Variants in TEX22 observed in about 807,000 individuals in gnomAD.
TEX22 encodes the protein testis expressed 22, also known as testis-expressed protein 22.
In TEX22, 16 loss-of-function variants were observed where a neutral mutation model predicts 11.3. The ratio of observed to expected loss-of-function variants is 1.42; its 90% confidence interval spans 0.96 to 2.15. TEX22 has a LOEUF of 2.15. Ranked by LOEUF, TEX22 falls within the 30% of genes most tolerant of loss-of-function variation. TEX22 has a pLI of 0.00. For synonymous variants in TEX22, 97 were observed against 92.3 expected (o/e 1.05, Z -0.29); for missense variants, 220 against 208.6 (o/e 1.05, Z -0.34).
At chr14:105,399,190 G>T (rs2081607998) in intron 1 of TEX22, 112 bp from the exon 2 acceptor site, 3 of 640,454 alleles carry the variant, frequency 4.7e-6, no homozygotes, top group Non-Finnish European at 5.4e-6. Context: ...GCTGGAAGGT[G>T]ACCCTAGCAG....
In TEX22 at chr14:105,398,544, GC is replaced by G. The variant is rs2081596844; in HGVS notation, c.-130del. 1 of 152,204 alleles carries G rather than the reference GC, an allele frequency of 6.6e-6. No individual in the cohort carries two copies. The highest frequency in any genetic ancestry group is 1.5e-5 in the Non-Finnish European group (1 of 68,056). The allele number at this position is 152,204 out of a possible 1,614,324, so 9.4% of individuals were successfully genotyped here. A position where few individuals can be genotyped will look rare whatever the true frequency, so the allele number is the denominator to read the frequency against. ...ACCGGTGGGGGCGGGGCTTGCCGTAGCGGACGTTCTGGAGCGAGGCGCCGGC... is the reference window on the plus strand; with the variant it reads ...ACCGGTGGGGGCGGGGCTTGCCGTAGGGACGTTCTGGAGCGAGGCGCCGGC... On this transcript the variant is annotated 5_prime_UTR_variant, in exon 1 of 4. Coordinates refer to ENST00000451127, the MANE Select transcript of TEX22 (RefSeq NM_001195082.2).
intron 2 of TEX22, among the ~76,000 whole-genome samples, chr14:105,407,874 GGTCT>G (rs2081666359): frequency 1.4e-5 from 2 of 143,970 alleles, no homozygotes; most frequent in Non-Finnish European, 3.0e-5. Flanking sequence ...GTGTTATGGG[GGTCT>G]GTCTGCATGG....
chr14:105,399,490 G>C lies in TEX22; in HGVS notation c.150G>C (p.Trp50Cys), dbSNP rs587618495. 7.2e-6 allele frequency: 11 copies of C among 1,527,446 alleles called. No individual in the cohort carries two copies. The Admixed American group carries it at 8.0e-5, about 11-fold the overall frequency. 94.6% of individuals were successfully genotyped at this position (1,527,446 alleles called of 1,614,324 possible). The change falls in exon 2 of 4, where the codon TGG (tryptophan) becomes TGC (cysteine). Residue 50 changes from tryptophan (W) to cysteine (C), a missense_variant and splice_region_variant. Physicochemically the swap from Trp to Cys is radical, Grantham distance 215. Coordinates refer to ENST00000451127, the MANE Select transcript of TEX22 (RefSeq NM_001195082.2). ...SVQQGLQTQD[W>C]VCEPPERRRP... The stretch of plus-strand genomic sequence containing the variant: ...AGCAGGGACTGCAGACTCAGGACTG[G>C]GTAAGCGGAAGGAAACCCTGGCCGA...
Position 105,413,174 on chromosome 14 carries a change from T to TGGA in TEX22, c.*1344_*1346dup, listed in dbSNP as rs1336967222. The TGGA allele has an allele frequency of 9.8e-5, 15 of 152,458 alleles. No homozygotes were observed. The highest frequency in any genetic ancestry group is 2.6e-4 in the Admixed American group (4 of 15,288). The allele number at this position is 152,458 out of a possible 1,614,324, so 9.4% of individuals were successfully genotyped here. ...TCTCAGGAGCCCTAGGGTAGGTGGATGGAGGGCAGATCCTCCAGGGGCTAG... is the reference window on the plus strand; with the variant it reads ...TCTCAGGAGCCCTAGGGTAGGTGGATGGAGGAGGGCAGATCCTCCAGGGGCTAG... On this transcript the variant is annotated 3_prime_UTR_variant, in exon 4 of 4. Transcript: ENST00000451127. This position sits in a 1 kb window ranked among gnomAD's most constrained non-coding sequence, Gnocchi z 4.2.
intron 3 of TEX22, 36 bp from the exon 4 acceptor site, chr14:105,411,624 C>G: frequency 2.0e-6 from 3 of 1,509,892 alleles, no homozygotes; most frequent in Non-Finnish European, 2.6e-6. Flanking sequence ...GTCCCCTTCC[C>G]GCCCCTCGAG....
intron 2 of TEX22, among the ~76,000 whole-genome samples, chr14:105,405,663 G>A (rs925330871): frequency 1.2e-4 from 19 of 152,352 alleles, no homozygotes; most frequent in Admixed American, 9.8e-4. Flanking sequence ...GCGTGCAGCC[G>A]TGAGCGTGAG....
In TEX22 at chr14:105,411,357, C is replaced by A; in HGVS notation, c.151-11C>A. On this transcript the variant is annotated splice_polypyrimidine_tract_variant and intron_variant, in intron 2 of 3. Coordinates refer to ENST00000451127, the MANE Select transcript of TEX22 (RefSeq NM_001195082.2). ...CCGAGGCCCTCGCCGACCCGCTGCC[C>A]TGTCCCCCAGGTGTGCGAGCCGCCG... 1 of 1,326,534 alleles carries A rather than the reference C, an allele frequency of 7.5e-7. No individual in the cohort carries two copies. Among genetic ancestry groups the A allele is most frequent in the South Asian group, 1.9e-5 (1 of 52,568 alleles). 82.2% of individuals were successfully genotyped at this position (1,326,534 alleles called of 1,614,324 possible). A position where few individuals can be genotyped will look rare whatever the true frequency, so the allele number is the denominator to read the frequency against.
intron 2 of TEX22, among the ~76,000 whole-genome samples, chr14:105,406,879 CAG>C (rs2141360070): frequency 6.6e-6 from 1 of 152,124 alleles, no homozygotes; most frequent in South Asian, 2.1e-4. Context: ...TTTAAGCTTT[CAG>C]ACCATTTCTT....
chr14:105,405,016 A>AG (rs1276296100), intron 2 of TEX22, among the ~76,000 whole-genome samples: 3 of 152,096 alleles, frequency 2.0e-5, no homozygotes, highest in Non-Finnish European at 4.4e-5. Context: ...TGAGAAGAGG[A>AG]GGGGGGTGGG....
At position 105,404,018 on chromosome 14, in the gene TEX22, C is replaced by T. The variant is rs587722540; in HGVS notation, c.150+4528C>T. ...GACAAATTTCCCCAGAGCTTAGCAA[C>T]TTAAAACAGTAAGTATTTTTATCTT... is the stretch of plus-strand genomic sequence containing the variant. On this transcript the variant is annotated intron_variant, in intron 2 of 3. Transcript: ENST00000451127. Among the ~76,000 whole-genome samples the T allele has an allele frequency of 1.7e-3, 253 of 152,346 alleles. 1 individual carries two copies. Among genetic ancestry groups the T allele is most frequent in the African/African-American group, 5.9e-3 (244 of 41,582 alleles).
In TEX22 at chr14:105,402,545, G is replaced by A. The variant is rs1180284828; in HGVS notation, c.150+3055G>A. On this transcript the variant is annotated intron_variant, in intron 2 of 3. Transcript: ENST00000451127. ...TGGGGCGGGCAGATCACAAGGTCTG[G>A]AGATCAAGACCATCCTGGCTAACAC... Among the ~76,000 whole-genome samples the A allele has an allele frequency of 1.3e-4, 20 of 151,896 alleles. 1 individual carries two copies. The highest frequency in any genetic ancestry group is 2.0e-4 in the Admixed American group (3 of 15,266).
intron 1 of TEX22, 34 bp from the exon 2 acceptor site, chr14:105,399,268 G>GCCC: frequency 1.7e-5 from 21 of 1,272,330 alleles, no homozygotes; most frequent in Admixed American, 4.7e-5. Context: ...GGCCTTGTGG[G>GCCC]CCCCGCCCCA....
chr14:105,400,837 C>G (rs2081622910), intron 2 of TEX22, among the ~76,000 whole-genome samples: 1 of 152,106 alleles, frequency 6.6e-6, no homozygotes, highest in African/African-American at 2.4e-5. Context: ...GGAATCTTCC[C>G]TAAAAAATGT....
rs1478725032 is a variant in TEX22 at position 105,399,407 on chromosome 14, C to G, written c.67C>G (p.Arg23Gly). 1.3e-6 allele frequency: 2 copies of G among 1,535,830 alleles called. No individual in the cohort carries two copies. Among genetic ancestry groups the G allele is most frequent in the Admixed American group, 2.0e-5 (1 of 50,992 alleles). ...GTCGCACCTCTCCCAAGAGCACAGG[C>G]GGCCCCCACTGGGCCTGATAGCAGC... The part of the protein sequence containing the change: ...LESHLSQEHR[R>G]PPLGLIAAWG... Residue 23 changes from arginine (R) to glycine (G), a missense_variant, in exon 2 of 4, where the codon CGG becomes GGG. By Grantham distance (125) the Arg-to-Gly change is moderately radical. Coordinates refer to ENST00000451127, the MANE Select transcript of TEX22 (RefSeq NM_001195082.2).
At chr14:105,402,935 G>C (rs1005895798) in intron 2 of TEX22, among the ~76,000 whole-genome samples, 8 of 152,118 alleles carry the variant, frequency 5.3e-5, no homozygotes, top group Admixed American at 3.9e-4. Flanking sequence ...GAGTACAGTG[G>C]TATGATCACA....
intron 2 of TEX22, among the ~76,000 whole-genome samples, chr14:105,406,206 C>A (rs2081657832): frequency 1.3e-5 from 2 of 152,188 alleles, no homozygotes; most frequent in South Asian, 2.1e-4. Context: ...GTGATAAGTG[C>A]CTTTCGTAGG....
Position 105,399,541 on chromosome 14 carries a change from C to T in TEX22, c.150+51C>T, listed in dbSNP as rs1257479182. Reference sequence around the variant, plus strand: ...GGCTACTCTCCTGTCCCCAGCCCGCCTGAGGCCGCTGTCTCTGAAAACTCC... The same window carrying T: ...GGCTACTCTCCTGTCCCCAGCCCGCTTGAGGCCGCTGTCTCTGAAAACTCC... On this transcript the variant is annotated intron_variant, in intron 2 of 3. Transcript: ENST00000451127. 10 of 1,472,920 alleles carry T rather than the reference C, an allele frequency of 6.8e-6. No homozygotes were observed. In the South Asian group the frequency reaches 1.3e-4, roughly 19 times the overall value. 91.2% of individuals were successfully genotyped at this position (1,472,920 alleles called of 1,614,324 possible). A position where few individuals can be genotyped will look rare whatever the true frequency, so the allele number is the denominator to read the frequency against.
In TEX22 at chr14:105,411,961, A is replaced by G; in HGVS notation, c.*128A>G. On this transcript the variant is annotated 3_prime_UTR_variant, in exon 4 of 4. Transcript: ENST00000451127. ...CCCACCCATGTTAGGAAAACAGGCCAGGCAGGACCTGGCTCCGGACAGCCT... is the reference window on the plus strand; with the variant it reads ...CCCACCCATGTTAGGAAAACAGGCCGGGCAGGACCTGGCTCCGGACAGCCT... The G allele has an allele frequency of 1.0e-6, 1 of 985,136 alleles. No homozygotes were observed. The highest frequency in any genetic ancestry group is 1.4e-6 in the Non-Finnish European group (1 of 712,878). The allele number at this position is 985,136 out of a possible 1,614,324, so 61.0% of individuals were successfully genotyped here. A position where few individuals can be genotyped will look rare whatever the true frequency, so the allele number is the denominator to read the frequency against.
intron 2 of TEX22, among the ~76,000 whole-genome samples, chr14:105,403,922 A>G (rs945716858): frequency 1.1e-4 from 16 of 152,210 alleles, no homozygotes; most frequent in African/African-American, 3.6e-4. Flanking sequence ...TGGCCTTCCT[A>G]AGAGCTGGGA....
Sources: gnomAD v4.1 joint callset for allele counts (sites outside exome capture counted in the v4.1 genomes callset) on GRCh38, gnomAD v4.1.1 for gene constraint, Gnocchi (gnomAD v3.1) non-coding constraint, MANE v1.5 for transcripts, NCBI Gene and HGNC (gene_info 2026-07-23, HGNC 2026-07-21) for gene names.